The following ZFAND3 variants were observed in gnomAD, a reference collection of about 807,000 sequenced individuals.
The protein encoded by ZFAND3 is AN1-type zinc finger protein 3.
A neutral mutation model predicts 29.6 loss-of-function variants in ZFAND3; 10 were observed. The observed-to-expected ratio is 0.34, with a 90% CI of 0.21 to 0.57. ZFAND3 has a LOEUF of 0.57. ZFAND3 is among the 20% of genes least tolerant of loss of function. The pLI is 0.86. For synonymous variants in ZFAND3, 128 were observed against 112.6 expected (o/e 1.14, Z -0.87); for missense variants, 230 against 304.5 (o/e 0.76, Z 1.82).
chr6:38,014,400 C>T (rs973778762), intron 2 of ZFAND3, among the ~76,000 whole-genome samples: 15 of 151,914 alleles, frequency 9.9e-5, no homozygotes, highest in Non-Finnish European at 8.8e-5. Flanking sequence ...GATCTTGGCT[C>T]ACTGCAACCT....
chr6:38,147,138 A>C (rs1766127888), intron 5 of ZFAND3, among the ~76,000 whole-genome samples: 1 of 152,030 alleles, frequency 6.6e-6, no homozygotes, highest in Non-Finnish European at 1.5e-5. Context: ...ACTTCTCTTC[A>C]TCCTCCTCCC....
chr6:37,861,139 C>G (rs149061998), intron 1 of ZFAND3, among the ~76,000 whole-genome samples: 12 of 152,230 alleles, frequency 7.9e-5, no homozygotes, highest in Non-Finnish European at 1.5e-4. Context: ...CTCTTATAAT[C>G]TAAGCTACTT....
At chr6:37,857,487 A>T (rs1313629318) in intron 1 of ZFAND3, among the ~76,000 whole-genome samples, 3 of 152,198 alleles carry the variant, frequency 2.0e-5, no homozygotes, top group Non-Finnish European at 4.4e-5. Context: ...GGCCCAGCAA[A>T]TTTCAAATAC....
intron 5 of ZFAND3, among the ~76,000 whole-genome samples, chr6:38,123,794 G>A (rs1204435467): frequency 6.6e-6 from 1 of 152,240 alleles, no homozygotes; most frequent in African/African-American, 2.4e-5. Flanking sequence ...CTTCCTTCTG[G>A]TGGGTTCTTG....
intron 1 of ZFAND3, among the ~76,000 whole-genome samples, chr6:37,895,459 C>CTTTTTTTTTTTTTTTTTT (rs11331881): frequency 1.2e-4 from 9 of 76,764 alleles, no homozygotes; most frequent in Admixed American, 1.6e-4. Context: ...CTCAGAGGTT[C>CTTTTTTTTTTTTTTTTTT]TTTTTTTTTT....
chr6:38,039,870 A>G (rs1581861525), intron 2 of ZFAND3, among the ~76,000 whole-genome samples: 1 of 152,300 alleles, frequency 6.6e-6, no homozygotes. Context: ...AGTGGTTATT[A>G]GGCATGTTTT....
chr6:37,831,243 C>T (rs1348443284), intron 1 of ZFAND3, among the ~76,000 whole-genome samples: 1 of 152,236 alleles, frequency 6.6e-6, no homozygotes, highest in Non-Finnish European at 1.5e-5. Flanking sequence ...AGCTTCCCAA[C>T]TTGAAAGAAG....
chr6:37,980,674 T>TAG (rs1762564059), intron 2 of ZFAND3, among the ~76,000 whole-genome samples: 1 of 152,196 alleles, frequency 6.6e-6, no homozygotes, highest in Non-Finnish European at 1.5e-5. Context: ...GCTTTTCAGA[T>TAG]ATGCCCTGCC....
chr6:37,941,858 T>C (rs1251721711), intron 2 of ZFAND3, among the ~76,000 whole-genome samples: 4 of 152,166 alleles, frequency 2.6e-5, no homozygotes, highest in Admixed American at 2.0e-4. Flanking sequence ...TATTTATCAG[T>C]TTGGTTGAGT....
intron 4 of ZFAND3, among the ~76,000 whole-genome samples, chr6:38,084,468 T>G (rs1764721789): frequency 6.6e-6 from 1 of 152,212 alleles, no homozygotes; most frequent in South Asian, 2.1e-4. Flanking sequence ...TTCCATCATC[T>G]TAATGAGGAT....
chr6:37,896,560 TTCTTTCTTTCTC>T (rs1186369171), intron 1 of ZFAND3, among the ~76,000 whole-genome samples: 22 of 148,520 alleles, frequency 1.5e-4, no homozygotes, highest in African/African-American at 5.0e-4. Flanking sequence ...CTTTCTTTCT[TTCTTTCTTTCTC>T]TCTTTCTCTC....
At chr6:38,097,070 G>C (rs1356229456) in intron 4 of ZFAND3, among the ~76,000 whole-genome samples, 4 of 151,872 alleles carry the variant, frequency 2.6e-5, no homozygotes, top group African/African-American at 9.7e-5. Context: ...GTGGATGAGT[G>C]GGGAAGATAG....
Position 38,013,125 on chromosome 6 carries a change from T to C in ZFAND3, c.113-48468T>C, listed in dbSNP as rs554319230. Among the ~76,000 whole-genome samples, 6 of 152,368 alleles carry C rather than the reference T, an allele frequency of 3.9e-5. No homozygotes were observed. The South Asian group carries it at 1.0e-3, about 26-fold the overall frequency. ...CACCTCTGTGTGCCAGACACTGTTATATATATCATTCCTAATTCCTAATAC... is the reference window on the plus strand; with the variant it reads ...CACCTCTGTGTGCCAGACACTGTTACATATATCATTCCTAATTCCTAATAC... On this transcript the variant is annotated intron_variant, in intron 2 of 5. Coordinates refer to ENST00000287218, the MANE Select transcript of ZFAND3 (RefSeq NM_021943.3).
intron 5 of ZFAND3, among the ~76,000 whole-genome samples, chr6:38,131,788 C>A (rs970270072): frequency 7.2e-5 from 11 of 152,110 alleles, no homozygotes; most frequent in Non-Finnish European, 1.5e-5. Flanking sequence ...TAATAATGTA[C>A]AAGAAAAAAT....
chr6:37,972,092 A>G (rs976667608), intron 2 of ZFAND3, among the ~76,000 whole-genome samples: 1 of 152,278 alleles, frequency 6.6e-6, no homozygotes, highest in East Asian at 1.9e-4. Context: ...GAGTTTTTCT[A>G]CCACTTCCTT....
chr6:37,953,731 C>T lies in ZFAND3; in HGVS notation c.112+23732C>T, dbSNP rs1483267084. On this transcript the variant is annotated intron_variant, in intron 2 of 5. Coordinates refer to ENST00000287218, the MANE Select transcript of ZFAND3 (RefSeq NM_021943.3). ...CCCCACAATGTCCTGGGATTACAGT[C>T]GTGAGTCATCACCCCTGGACTATAG... Among the ~76,000 whole-genome samples, 6 of 152,092 alleles carry T rather than the reference C, an allele frequency of 3.9e-5. No homozygotes were observed. The East Asian group carries it at 5.8e-4, about 15-fold the overall frequency.
intron 5 of ZFAND3, among the ~76,000 whole-genome samples, chr6:38,129,992 C>A (rs755991900): frequency 6.6e-6 from 1 of 152,086 alleles, no homozygotes; most frequent in Non-Finnish European, 1.5e-5. Context: ...TCTATGATTT[C>A]TTTCCGCAAT....
chr6:38,141,222 ATTGT>A (rs1403195030), intron 5 of ZFAND3, among the ~76,000 whole-genome samples: 4 of 152,228 alleles, frequency 2.6e-5, no homozygotes, highest in Non-Finnish European at 4.4e-5. Context: ...GAAAACATAG[ATTGT>A]TTGCAGAATG....
chr6:38,018,061 G>A (rs928519058), intron 2 of ZFAND3, among the ~76,000 whole-genome samples: 2 of 152,114 alleles, frequency 1.3e-5, no homozygotes, highest in Non-Finnish European at 2.9e-5. Context: ...CACAGTTGAG[G>A]TGCCAGTTAT....
Sources: allele counts gnomAD v4.1 joint callset (sites outside exome capture counted in the v4.1 genomes callset), GRCh38; gene constraint gnomAD v4.1.1; transcripts MANE v1.5; gene names NCBI Gene and HGNC (gene_info 2026-07-23, HGNC 2026-07-21).